The following KIAA0586 variants were observed in gnomAD, a reference collection of about 807,000 sequenced individuals.
The protein encoded by KIAA0586 is KIAA0586, also known as protein TALPID3.
In KIAA0586, 144 loss-of-function variants were observed where a neutral mutation model predicts 169.8. The ratio of observed to expected loss-of-function variants is 0.85; its 90% CI spans 0.74 to 0.97. KIAA0586 has a LOEUF of 0.97. KIAA0586 is among the 50% of genes least tolerant of loss of function. The probability of loss-of-function intolerance (pLI) is 0.00; values close to 1 mark genes in which losing one functional copy is unlikely to be tolerated. For missense variants in KIAA0586, 1,854 were observed against 1,823.0 expected (o/e 1.02, Z -0.31); for synonymous variants, 625 against 612.4 (o/e 1.02, Z -0.30).
Position 58,548,705 on chromosome 14 carries a change from T to C in KIAA0586, c.*773T>C, listed in dbSNP as rs1160072392. On this transcript the variant is annotated 3_prime_UTR_variant, in exon 31 of 31. Coordinates refer to ENST00000652326, the MANE Select transcript of KIAA0586 (RefSeq NM_001329943.3). The stretch of plus-strand genomic sequence containing the variant: ...AGAAAAAAATCATCAGTGAGATTAA[T>C]TTTTATATGCCTTATGTATACCATA... The C allele has an allele frequency of 6.6e-6, 1 of 152,190 alleles. No individual in the cohort carries two copies. Among genetic ancestry groups the C allele is most frequent in the Non-Finnish European group, 1.5e-5 (1 of 68,032 alleles). The allele number at this position is 152,190 out of a possible 1,614,324, so 9.4% of individuals were successfully genotyped here.
chr14:58,492,047 A>G, intron 25 of KIAA0586, 97 bp from the exon 26 acceptor site: 1 of 923,328 alleles, frequency 1.1e-6, no homozygotes, highest in Non-Finnish European at 1.5e-6. Context: ...TAATATCATC[A>G]TCTCATGACT....
intron 28 of KIAA0586, among the ~76,000 whole-genome samples, chr14:58,509,658 T>C (rs930619143): frequency 2.0e-5 from 3 of 152,144 alleles, no homozygotes; most frequent in African/African-American, 7.2e-5. Context: ...CACATGATTA[T>C]GTGGGGTTCA....
intron 15 of KIAA0586, among the ~76,000 whole-genome samples, chr14:58,467,162 C>T (rs2040833376): frequency 6.6e-6 from 1 of 152,198 alleles, no homozygotes; most frequent in Non-Finnish European, 1.5e-5. Flanking sequence ...AAATAGCTCA[C>T]ACTTTTAAAG....
At chr14:58,467,967 T>G in intron 16 of KIAA0586, 45 bp downstream of exon 16, 1 of 1,435,448 alleles carries the variant, frequency 7.0e-7, no homozygotes, top group Non-Finnish European at 9.4e-7. Flanking sequence ...AAGAAAAAAT[T>G]TTTTTGCTTA....
intron 14 of KIAA0586, among the ~76,000 whole-genome samples, chr14:58,465,065 T>C (rs537593245): frequency 6.6e-6 from 1 of 152,186 alleles, no homozygotes; most frequent in South Asian, 2.1e-4. Flanking sequence ...TGAGACTCCA[T>C]CTAAAAAAAA....
the KIAA0586 span, among the ~76,000 whole-genome samples, chr14:58,561,463 G>A: frequency 6.6e-6 from 1 of 152,136 alleles, no homozygotes; most frequent in African/African-American, 2.4e-5. Flanking sequence ...AATTATATAA[G>A]TAGAGTTAGA....
chr14:58,482,715 A>G lies in KIAA0586; in HGVS notation c.3144+3A>G, dbSNP rs956345090. 6.5e-7 allele frequency: 1 copy of G among 1,545,058 alleles called. No homozygotes were observed. The highest frequency in any genetic ancestry group is 1.4e-5 in the African/African-American group (1 of 71,908). On this transcript the variant is annotated splice_donor_region_variant and intron_variant, in intron 21 of 30. Coordinates refer to ENST00000652326, the MANE Select transcript of KIAA0586 (RefSeq NM_001329943.3). ...CAACAAATGAAACATATTTGCCGGT[A>G]TGGGGAATTTTTGAGACATTTATTG...
chr14:58,465,411 T>C (rs1221042962), intron 14 of KIAA0586, among the ~76,000 whole-genome samples: 1 of 152,246 alleles, frequency 6.6e-6, no homozygotes, highest in Non-Finnish European at 1.5e-5. Context: ...TGGAATATTC[T>C]TCAGAATCTT....
chr14:58,500,347 C>T (rs2141327639), intron 27 of KIAA0586, among the ~76,000 whole-genome samples: 2 of 152,200 alleles, frequency 1.3e-5, no homozygotes, highest in Middle Eastern at 6.8e-3. Context: ...TAACTTGTGC[C>T]TGAAGGAAGC....
Position 58,487,242 on chromosome 14 carries a change from G to C in KIAA0586, c.3304+76G>C, listed in dbSNP as rs537241792. 63 of 1,216,418 alleles carry C rather than the reference G, an allele frequency of 5.2e-5. No individual in the cohort carries two copies. In the African/African-American group the frequency reaches 7.3e-4, roughly 14 times the overall value. The allele number at this position is 1,216,418 out of a possible 1,614,324, so 75.4% of individuals were successfully genotyped here. ...TTCATGATTTGTATATGTACTTGTT[G>C]CTTACTAGGTTTTAGTAAATCATTT... On this transcript the variant is annotated intron_variant, in intron 22 of 30. Coordinates refer to ENST00000652326, the MANE Select transcript of KIAA0586 (RefSeq NM_001329943.3).
chr14:58,539,963 A>C, intron 29 of KIAA0586, 108 bp from the exon 30 acceptor site: 1 of 646,056 alleles, frequency 1.5e-6, no homozygotes, highest in South Asian at 2.1e-5. Context: ...TTTTATGAGA[A>C]TAACGGTGGG....
At chr14:58,561,079 T>G in the KIAA0586 span, among the ~76,000 whole-genome samples, 1,573 of 152,290 alleles carry the variant, frequency 0.01, 28 homozygotes, top group African/African-American at 0.036. Flanking sequence ...GTGGTTCCCA[T>G]TTTCCAAGTG....
intron 13 of KIAA0586, among the ~76,000 whole-genome samples, chr14:58,460,285 C>T (rs1234722934): frequency 6.6e-6 from 1 of 152,082 alleles, no homozygotes; most frequent in Non-Finnish European, 1.5e-5. Flanking sequence ...TGAGATCTCA[C>T]ACCCTGGCAT....
intron 27 of KIAA0586, among the ~76,000 whole-genome samples, chr14:58,500,726 A>AC (rs2043507757): frequency 6.6e-6 from 1 of 151,672 alleles, no homozygotes; most frequent in African/African-American, 2.4e-5. Flanking sequence ...TGCCTCAAAA[A>AC]AAAAAAAAAG....
intron 29 of KIAA0586, among the ~76,000 whole-genome samples, chr14:58,525,969 C>G (rs776792571): frequency 6.6e-6 from 1 of 152,212 alleles, no homozygotes; most frequent in Non-Finnish European, 1.5e-5. Context: ...TGGAACCCAC[C>G]ATGTCTCAGC....
intron 8 of KIAA0586, among the ~76,000 whole-genome samples, chr14:58,453,114 T>C (rs2039537592): frequency 6.6e-6 from 1 of 151,724 alleles, no homozygotes; most frequent in Non-Finnish European, 1.5e-5. Context: ...AGACGGGGTT[T>C]CTCCATGTTG....
rs1431253441 is a variant in KIAA0586 at position 58,427,728 on chromosome 14, A to T, written c.-537A>T. On this transcript the variant is annotated 5_prime_UTR_variant, in exon 1 of 31. Transcript: ENST00000652326. ...CCTGCGGGCAACTGACGCTGTTGTC[A>T]GATTACACCCACGACGGTGCGGGTC... The T allele has an allele frequency of 1.6e-5, 25 of 1,534,722 alleles. 1 individual carries two copies. The South Asian group carries it at 2.4e-4, about 15-fold the overall frequency.
intron 29 of KIAA0586, among the ~76,000 whole-genome samples, chr14:58,518,204 A>G (rs2044903601): frequency 6.6e-6 from 1 of 152,186 alleles, no homozygotes; most frequent in South Asian, 2.1e-4. Context: ...TTGGGAAAGT[A>G]TAAAAGGTTT....
chr14:58,504,795 C>G (rs2043816693), intron 27 of KIAA0586, among the ~76,000 whole-genome samples: 1 of 152,076 alleles, frequency 6.6e-6, no homozygotes, highest in African/African-American at 2.4e-5. Context: ...TCAGGGAATC[C>G]TTTCCTGACC....
Sources: allele counts gnomAD v4.1 joint callset (sites outside exome capture counted in the v4.1 genomes callset), GRCh38; gene constraint gnomAD v4.1.1; transcripts MANE v1.5; gene names NCBI Gene and HGNC (gene_info 2026-07-23, HGNC 2026-07-21).